The following ANK2 variants were observed in gnomAD, a reference collection of about 807,000 sequenced individuals.
The protein encoded by ANK2 is ankyrin 2, also known as ankyrin-2.
In ANK2, 83 loss-of-function variants were observed where a neutral mutation model predicts 360.5. The ratio of observed to expected loss-of-function variants is 0.23; its 90% CI spans 0.19 to 0.28. The LOEUF is 0.28. ANK2 is among the 10% of genes least tolerant of loss of function. The probability of loss-of-function intolerance (pLI) is 1.00; values close to 1 mark genes in which losing one functional copy is unlikely to be tolerated. For synonymous variants in ANK2, 1,740 were observed against 1,759.5 expected, an observed-to-expected ratio of 0.99 and a Z score of 0.28; for missense variants, 4,201 against 4,795.7, an observed-to-expected ratio of 0.88 and a Z score of 3.66.
chr4:112,881,742 G>T, intron 1 of ANK2: 1 of 617,312 alleles, frequency 1.6e-6, no homozygotes, highest in South Asian at 1.9e-5. Flanking sequence ...AGTCAGTGAT[G>T]ATTTCCATCA....
chr4:112,854,589 A>G (rs564643468), intron 1 of ANK2, among the ~76,000 whole-genome samples: 1 of 152,210 alleles, frequency 6.6e-6, no homozygotes, highest in African/African-American at 2.4e-5. Flanking sequence ...TTAAATCCAC[A>G]TGACTTAGTG....
At chr4:112,876,113 GT>G (rs1477790810) in intron 1 of ANK2, among the ~76,000 whole-genome samples, 1 of 151,832 alleles carries the variant, frequency 6.6e-6, no homozygotes, top group Non-Finnish European at 1.5e-5. Flanking sequence ...TTTAATGTGG[GT>G]TTTGAATGAA....
At chr4:113,254,833 C>T (rs573976179) in intron 10 of ANK2, among the ~76,000 whole-genome samples, 27 of 152,152 alleles carry the variant, frequency 1.8e-4, no homozygotes, top group South Asian at 1.7e-3. Context: ...GGATACTTGG[C>T]GAACAATCCT....
chr4:112,735,732 G>C, the ANK2 span, among the ~76,000 whole-genome samples: 1 of 152,128 alleles, frequency 6.6e-6, no homozygotes, highest in Non-Finnish European at 1.5e-5. Context: ...CCATTTCTAA[G>C]TGTACAGTTC....
intron 1 of ANK2, among the ~76,000 whole-genome samples, chr4:113,081,141 T>C (rs2154347162): frequency 6.6e-6 from 1 of 152,358 alleles, no homozygotes; most frequent in South Asian, 2.1e-4. Context: ...AAAAATGTAA[T>C]AGAGAGTTTT....
intron 1 of ANK2, among the ~76,000 whole-genome samples, chr4:113,085,498 G>T (rs2084228267): frequency 1.3e-5 from 2 of 151,778 alleles, no homozygotes; most frequent in African/African-American, 4.8e-5. Flanking sequence ...TAGTAGAGAT[G>T]GGGTTTCACT....
intron 1 of ANK2, chr4:113,160,421 T>G (rs541425221): frequency 2.9e-6 from 1 of 349,890 alleles, no homozygotes; most frequent in East Asian, 1.1e-4. Context: ...TTCAGGTGAA[T>G]TAATAAGAGC....
chr4:113,101,356 A>T (rs1288291249), intron 1 of ANK2, among the ~76,000 whole-genome samples: 1 of 152,164 alleles, frequency 6.6e-6, no homozygotes, highest in Admixed American at 6.6e-5. Context: ...TTTTGCAGAG[A>T]TAGTATTTCT....
rs541850197 is a variant in ANK2 at position 113,317,938 on chromosome 4, T to A, written c.2796+129T>A. The stretch of plus-strand genomic sequence containing the variant: ...TCCCAATTCAGTTGAGAAGCTAGGA[T>A]AAGAGATTTGAGGGTTTTCCTAAAA... On this transcript the variant is annotated intron_variant, in intron 25 of 45. Coordinates refer to ENST00000357077, the MANE Select transcript of ANK2 (RefSeq NM_001148.6). The A allele has an allele frequency of 1.6e-5, 13 of 813,224 alleles. No individual in the cohort carries two copies. In the African/African-American group the frequency reaches 1.9e-4, roughly 12 times the overall value. The allele number at this position is 813,224 out of a possible 1,614,324, so 50.4% of individuals were successfully genotyped here. A position where few individuals can be genotyped will look rare whatever the true frequency, so the allele number is the denominator to read the frequency against.
intron 2 of ANK2, among the ~76,000 whole-genome samples, chr4:112,989,555 T>C (rs535851060): frequency 2.0e-5 from 3 of 152,350 alleles, no homozygotes; most frequent in Non-Finnish European, 2.9e-5. Context: ...ATTATGCTTA[T>C]GTAAAGTAAG....
chr4:113,237,022 A>G lies in ANK2; in HGVS notation c.519A>G (p.Gln173=). 2 of 1,614,182 alleles carry G rather than the reference A, an allele frequency of 1.2e-6. No individual in the cohort carries two copies. Among genetic ancestry groups the G allele is most frequent in the Non-Finnish European group, 1.7e-6 (2 of 1,180,024 alleles). ...GFTPLAVALQ[Q]GHNQAVAILL... ...CTCCTCTAGCTGTGGCACTCCAGCA[A>G]GGACACAACCAGGCGGTGGCCATCC... Residue 173 remains glutamine, a synonymous_variant, in exon 6 of 46, where the codon CAA becomes CAG. Transcript: ENST00000357077.
intron 1 of ANK2, among the ~76,000 whole-genome samples, chr4:112,872,926 T>G (rs988709771): frequency 6.6e-6 from 1 of 152,146 alleles, no homozygotes; most frequent in African/African-American, 2.4e-5. Flanking sequence ...GATTTTCTAT[T>G]TCTTCTTTTA....
chr4:112,845,132 T>C (rs1359041167), intron 1 of ANK2, among the ~76,000 whole-genome samples: 1 of 152,198 alleles, frequency 6.6e-6, no homozygotes, highest in Non-Finnish European at 1.5e-5. Flanking sequence ...TGCAAAACAC[T>C]TATCAAAACT....
intron 1 of ANK2, among the ~76,000 whole-genome samples, chr4:112,879,737 T>C (rs1482790194): frequency 6.6e-6 from 1 of 152,224 alleles, no homozygotes; most frequent in Non-Finnish European, 1.5e-5. Context: ...AAGGGAACTC[T>C]GAAAATAAAA....
intron 2 of ANK2, among the ~76,000 whole-genome samples, chr4:112,989,088 C>G (rs946966701): frequency 1.3e-5 from 2 of 152,166 alleles, no homozygotes; most frequent in Non-Finnish European, 2.9e-5. Flanking sequence ...TAATTCTACA[C>G]TTGATCTTAG....
At chr4:112,730,797 G>C in the ANK2 span, among the ~76,000 whole-genome samples, 1 of 151,230 alleles carries the variant, frequency 6.6e-6, no homozygotes, top group African/African-American at 2.4e-5. Context: ...AGGATTGTTT[G>C]AGATCAGGAA....
At chr4:113,046,702 T>C (rs2064547581), upstream of ANK2, among the ~76,000 whole-genome samples, 1 of 152,090 alleles carries the variant, frequency 6.6e-6, no homozygotes, top group Admixed American at 6.6e-5. Context: ...ATTTATAAAT[T>C]ACCTCGTCTC....
intron 26 of ANK2, among the ~76,000 whole-genome samples, chr4:113,328,499 A>T (rs1044041787): frequency 1.3e-5 from 2 of 152,148 alleles, no homozygotes; most frequent in Non-Finnish European, 2.9e-5. Flanking sequence ...AAAGTCAAAT[A>T]AAAAAAATTT....
At chr4:113,228,889 A>AT (rs1172484218) in intron 4 of ANK2, among the ~76,000 whole-genome samples, 3 of 152,150 alleles carry the variant, frequency 2.0e-5, no homozygotes, top group African/African-American at 7.2e-5. Flanking sequence ...TGATGGGTAA[A>AT]TCATGACAGG....
Sources: allele counts gnomAD v4.1 joint callset (sites outside exome capture counted in the v4.1 genomes callset), GRCh38; gene constraint gnomAD v4.1.1; transcripts MANE v1.5; gene names NCBI Gene and HGNC (gene_info 2026-07-23, HGNC 2026-07-21).